The following TENM2 variants were observed in gnomAD, a reference collection of about 807,000 sequenced individuals.
The protein encoded by TENM2 is teneurin-2.
In TENM2, 52 loss-of-function variants were observed where a neutral mutation model predicts 245.2. That is an observed-to-expected ratio of 0.21 (90% confidence interval 0.17 to 0.27). The LOEUF is 0.27. TENM2 is among the 10% of genes least tolerant of loss of function. The probability of loss-of-function intolerance (pLI) is 1.00; values close to 1 mark genes in which losing one functional copy is unlikely to be tolerated. For synonymous variants in TENM2, 1,363 were observed against 1,438.9 expected (o/e 0.95, Z 1.19); for missense variants, 3,046 against 3,666.8 (o/e 0.83, Z 4.37).
intron 5 of TENM2, among the ~76,000 whole-genome samples, chr5:168,044,640 G>A (rs904712933): frequency 6.6e-6 from 1 of 151,746 alleles, no homozygotes; most frequent in Non-Finnish European, 1.5e-5. Context: ...AGATCTTTTG[G>A]GGGTTGCAGA....
intron 14 of TENM2, 93 bp from the exon 17 acceptor site, chr5:168,195,082 AG>A: frequency 7.0e-7 from 1 of 1,432,846 alleles, no homozygotes; most frequent in Non-Finnish European, 9.5e-7. Context: ...TCCTTGCCTG[AG>A]GGACCAGATG....
At chr5:168,075,990 G>A (rs751966706) in intron 7 of TENM2, among the ~76,000 whole-genome samples, 132 of 152,132 alleles carry the variant, frequency 8.7e-4, no homozygotes, top group East Asian at 4.8e-3. Flanking sequence ...TCCCTCCCAC[G>A]ACACATGGGA....
intron 2 of TENM2, among the ~76,000 whole-genome samples, chr5:167,598,908 A>T (rs1776408337): frequency 6.6e-6 from 1 of 152,210 alleles, no homozygotes; most frequent in Admixed American, 6.5e-5. Context: ...AAGTTCTTAC[A>T]TTAAGGGTTC....
At position 168,252,982 on chromosome 5, in the gene TENM2, T is replaced by G. The variant is rs182261005; in HGVS notation, c.7432+4611T>G. On this transcript the variant is annotated intron_variant, in intron 27 of 28. Transcript: ENST00000518659. ...TTGTTTGTTTGTTTTGTTTTGTTTTTTTGAGACAGAGTCTTGCTCTGTCGC... is the reference window on the plus strand; with the variant it reads ...TTGTTTGTTTGTTTTGTTTTGTTTTGTTGAGACAGAGTCTTGCTCTGTCGC... Among the ~76,000 whole-genome samples the G allele has an allele frequency of 8.8e-4, 134 of 152,304 alleles. No homozygotes were observed. The Middle Eastern group carries it at 0.01, about 12-fold the overall frequency.
chr5:167,628,120 T>A (rs1778632959), intron 2 of TENM2, among the ~76,000 whole-genome samples: 2 of 152,192 alleles, frequency 1.3e-5, no homozygotes, highest in Non-Finnish European at 2.9e-5. Flanking sequence ...TGTCACCAAC[T>A]TGAAACCTGA....
chr5:167,771,231 T>C (rs959264177), intron 2 of TENM2, among the ~76,000 whole-genome samples: 1 of 152,116 alleles, frequency 6.6e-6, no homozygotes, highest in Admixed American at 6.6e-5. Context: ...TGTAAAAGCT[T>C]GGTAATTGCT....
At chr5:167,294,863 C>A (rs1276830889) in intron 1 of TENM2, among the ~76,000 whole-genome samples, 3 of 152,170 alleles carry the variant, frequency 2.0e-5, no homozygotes, top group African/African-American at 4.8e-5. Context: ...CACGGATCTT[C>A]CTATGTCTAT....
the TENM2 span, among the ~76,000 whole-genome samples, chr5:167,222,372 C>T: frequency 6.6e-6 from 1 of 152,166 alleles, no homozygotes. Flanking sequence ...CCAAAAGGGC[C>T]TCTTTCTCTA....
chr5:167,523,546 G>T (rs1770907872), intron 2 of TENM2, among the ~76,000 whole-genome samples: 1 of 152,012 alleles, frequency 6.6e-6, no homozygotes, highest in Non-Finnish European at 1.5e-5. Flanking sequence ...GTGTTTATGT[G>T]TAAAATCCCT....
intron 2 of TENM2, among the ~76,000 whole-genome samples, chr5:167,399,995 T>A (rs1197370060): frequency 6.6e-6 from 1 of 152,012 alleles, no homozygotes; most frequent in East Asian, 1.9e-4. Context: ...AAATTGAAAG[T>A]GAGAAAGGAA....
At chr5:168,219,576 C>T (rs1213482170) in intron 23 of TENM2, among the ~76,000 whole-genome samples, 1 of 152,058 alleles carries the variant, frequency 6.6e-6, no homozygotes. Flanking sequence ...TTTCCTAGCT[C>T]CTGCAGGCAG....
intron 5 of TENM2, among the ~76,000 whole-genome samples, chr5:168,041,706 G>C (rs928389922): frequency 2.0e-5 from 3 of 152,206 alleles, no homozygotes; most frequent in African/African-American, 7.2e-5. Context: ...CAAGGATTTT[G>C]TCTTGTTAAA....
the TENM2 span, among the ~76,000 whole-genome samples, chr5:167,085,281 A>G: frequency 6.6e-6 from 1 of 152,168 alleles, no homozygotes; most frequent in African/African-American, 2.4e-5. Context: ...AAAATTTCCA[A>G]TTGTTATTCA....
intron 5 of TENM2, among the ~76,000 whole-genome samples, chr5:168,009,103 A>T (rs1456948808): frequency 6.6e-6 from 1 of 152,252 alleles, no homozygotes; most frequent in East Asian, 1.9e-4. Context: ...CTGCGAACCA[A>T]GAAGAGTCAT....
At chr5:167,525,117 T>G (rs1436128304) in intron 2 of TENM2, among the ~76,000 whole-genome samples, 1 of 152,062 alleles carries the variant, frequency 6.6e-6, no homozygotes, top group African/African-American at 2.4e-5. Flanking sequence ...CCAAATCAAG[T>G]GCATAAATTA....
Position 168,247,567 on chromosome 5 carries a change from C to G in TENM2, c.6628C>G (p.Gln2210Glu), listed in dbSNP as rs377189380. 3 of 1,612,830 alleles carry G rather than the reference C, an allele frequency of 1.9e-6. No individual in the cohort carries two copies. Among genetic ancestry groups the G allele is most frequent in the East Asian group, 2.2e-5 (1 of 44,852 alleles). Residue 2210 changes from glutamine (Q) to glutamate (E), a missense_variant, in exon 27 of 29, where the codon CAG (glutamine) becomes GAG (glutamate). Physicochemically the swap from Gln to Glu is conservative, Grantham distance 29. This residue lies in a region of TENM2 where 2,704 missense variants were observed against 3,331.9 expected (regional missense o/e 0.81). Transcript: ENST00000518659. The surrounding 1 kb of genome is among the most constrained non-coding windows in gnomAD (Gnocchi z 7.8). ...CACCTATGACTACGATGGGGACGGG[C>G]AGCTCCAGAGCGTGGCCGTCAATGA...
the TENM2 span, among the ~76,000 whole-genome samples, chr5:167,101,232 A>G: frequency 6.6e-6 from 1 of 152,228 alleles, no homozygotes; most frequent in African/African-American, 2.4e-5. Flanking sequence ...TTTGTTTGGT[A>G]TATGGAAACA....
intron 4 of TENM2, among the ~76,000 whole-genome samples, chr5:167,953,066 A>C (rs1469156314): frequency 1.3e-5 from 2 of 152,210 alleles, no homozygotes; most frequent in Non-Finnish European, 2.9e-5. Context: ...GCTCTTGTGT[A>C]CCCAACTAAT....
intron 9 of TENM2, among the ~76,000 whole-genome samples, chr5:168,112,612 G>GGGGC (rs1554199716): frequency 1.6e-5 from 2 of 125,274 alleles, no homozygotes; most frequent in African/African-American, 3.0e-5. Context: ...TGGGCGGGGG[G>GGGGC]GGGGTCAAAC....
Sources: gnomAD v4.1 joint callset for allele counts (sites outside exome capture counted in the v4.1 genomes callset) on GRCh38, gnomAD v4.1.1 for gene constraint, gnomAD v4.1.1 regional missense constraint, Gnocchi (gnomAD v3.1) non-coding constraint, MANE v1.5 for transcripts, NCBI Gene and HGNC (gene_info 2026-07-23, HGNC 2026-07-21) for gene names.